KLF11: variants seen among roughly 807,000 people sequenced by gnomAD.
KLF11 encodes the protein Krueppel-like factor 11.
A neutral mutation model predicts 29.9 loss-of-function variants in KLF11; 26 were observed. That is an observed-to-expected ratio of 0.87 (90% CI 0.64 to 1.21). KLF11 has a LOEUF of 1.21. KLF11 is among the 50% of genes most tolerant of loss of function. KLF11 has a pLI of 0.00. For missense variants in KLF11, 778 were observed against 665.7 expected (o/e 1.17, Z -1.86); for synonymous variants, 318 against 257.4 (o/e 1.24, Z -2.25).
intron 3 of KLF11, among the ~76,000 whole-genome samples, chr2:10,051,729 G>A (rs565507879): frequency 5.4e-5 from 8 of 147,836 alleles, no homozygotes; most frequent in East Asian, 2.1e-4. Context: ...GTGTTAGCCA[G>A]GATGGTCTCG....
chr2:10,050,440 T>G (rs978717216), intron 3 of KLF11, among the ~76,000 whole-genome samples: 1 of 143,716 alleles, frequency 7.0e-6, no homozygotes, highest in African/African-American at 2.6e-5. Context: ...GGCCAGGCAC[T>G]GTGGCTCATA....
rs1240701500 is a variant in KLF11 at position 10,048,351 on chromosome 2, T to C, written c.1014T>C (p.Ala338=). 6.8e-6 allele frequency: 11 copies of C among 1,608,766 alleles called. No homozygotes were observed. Among genetic ancestry groups the C allele is most frequent in the Non-Finnish European group, 8.5e-6 (10 of 1,176,388 alleles). ...VFVGPAVPQG[A]VMLVLPQGAL... ...TGGGACCTGCTGTGCCTCAGGGAGC[T>C]GTGATGTTGGTCCTGCCCCAGGGAG... Residue 338 remains alanine (A), a synonymous_variant, in exon 3 of 4, where the codon GCT becomes GCC. Transcript: ENST00000305883.
In KLF11 at chr2:10,046,332, C is replaced by G; in HGVS notation, c.225C>G (p.Val75=). The change falls in exon 2 of 4, where the codon GTC becomes GTG. Residue 75 remains valine, a synonymous_variant. Coordinates refer to ENST00000305883, the MANE Select transcript of KLF11 (RefSeq NM_003597.5). Reference sequence around the variant, plus strand: ...TGCGGATAAGACCCCTCACGCCTGTCTCTGACTCTGGGGATGTCACCACCA... The same window carrying G: ...TGCGGATAAGACCCCTCACGCCTGTGTCTGACTCTGGGGATGTCACCACCA... ...DLLRIRPLTP[V]SDSGDVTTTV... is the part of the protein sequence containing the mutation. 1 of 1,614,210 alleles carries G rather than the reference C, an allele frequency of 6.2e-7. No homozygotes were observed. Among genetic ancestry groups the G allele is most frequent in the Non-Finnish European group, 8.5e-7 (1 of 1,180,042 alleles).
At chr2:10,049,987 C>T (rs754692698) in intron 3 of KLF11, among the ~76,000 whole-genome samples, 4 of 150,626 alleles carry the variant, frequency 2.7e-5, no homozygotes, top group African/African-American at 7.2e-5. Flanking sequence ...CACCAGAGCA[C>T]AGCTTCCAAA....
Position 10,048,512 on chromosome 2 carries a change from G to A in KLF11, c.1175G>A (p.Arg392Lys). ...CVPQVDFSRR[R>K]NYVCSFPGCR... is the part of the protein sequence containing the mutation. Reference sequence around the variant, plus strand: ...CCTCAGGTAGACTTTTCCCGAAGGAGGAACTATGTATGCAGCTTCCCAGGT... The same window carrying A: ...CCTCAGGTAGACTTTTCCCGAAGGAAGAACTATGTATGCAGCTTCCCAGGT... The change falls in exon 3 of 4, where the codon AGG becomes AAG. Residue 392 changes from arginine (R) to lysine (K), a missense_variant. Transcript: ENST00000305883. 1 of 1,613,674 alleles carries A rather than the reference G, an allele frequency of 6.2e-7. No individual in the cohort carries two copies. Among genetic ancestry groups the A allele is most frequent in the Non-Finnish European group, 8.5e-7 (1 of 1,180,026 alleles).
At position 10,048,551 on chromosome 2, in the gene KLF11, A is replaced by C. The variant is rs916485143; in HGVS notation, c.1214A>C (p.Tyr405Ser). Residue 405 changes from tyrosine to serine, a missense_variant, in exon 3 of 4, where the codon TAC becomes TCC. Tyr to Ser is a moderately radical substitution (Grantham distance 144). Coordinates refer to ENST00000305883, the MANE Select transcript of KLF11 (RefSeq NM_003597.5). ...AGCTTCCCAGGTTGCCGGAAGACCTACTTCAAAAGTTCCCACCTTAAGGCC... is the reference window on the plus strand; with the variant it reads ...AGCTTCCCAGGTTGCCGGAAGACCTCCTTCAAAAGTTCCCACCTTAAGGCC... Reference protein sequence around the residue: ...VCSFPGCRKTYFKSSHLKAHL... With the variant: ...VCSFPGCRKTSFKSSHLKAHL... 6.2e-7 allele frequency: 1 copy of C among 1,609,098 alleles called. No individual in the cohort carries two copies. The highest frequency in any genetic ancestry group is 8.5e-7 in the Non-Finnish European group (1 of 1,179,996).
rs1055050235 is a variant in KLF11 at position 10,048,411 on chromosome 2, C to T, written c.1074C>T (p.Val358=). 6.2e-7 allele frequency: 1 copy of T among 1,614,128 alleles called. No homozygotes were observed. The highest frequency in any genetic ancestry group is 2.2e-5 in the East Asian group (1 of 44,890). ...LPPPAPCAAN[V]MAAGNTKLLP... ...CGCCTGCCCCCTGTGCAGCCAATGT[C>T]ATGGCTGCCGGGAATACCAAGTTGT... The change falls in exon 3 of 4, where the codon GTC becomes GTT. Residue 358 remains valine, a synonymous_variant. Coordinates refer to ENST00000305883, the MANE Select transcript of KLF11 (RefSeq NM_003597.5).
chr2:10,048,296 A>G lies in KLF11; in HGVS notation c.959A>G (p.Gln320Arg). The G allele has an allele frequency of 6.2e-7, 1 of 1,600,640 alleles. No homozygotes were observed. Among genetic ancestry groups the G allele is most frequent in the Middle Eastern group, 1.7e-4 (1 of 6,004 alleles). ...GGGACTGTGAGACCCATCCTAGCTC[A>G]GGCTGCTCCAGCGCCTCAACCTGTG... is the stretch of plus-strand genomic sequence containing the variant. ...SVGTVRPILA[Q>R]AAPAPQPVFV... is the part of the protein sequence containing the mutation. The change falls in exon 3 of 4, where the codon CAG becomes CGG. Residue 320 changes from glutamine to arginine, a missense_variant. Gln to Arg is a conservative substitution (Grantham distance 43, BLOSUM62 1). Coordinates refer to ENST00000305883, the MANE Select transcript of KLF11 (RefSeq NM_003597.5).
chr2:10,044,623 T>C (rs1661122759), intron 1 of KLF11, among the ~76,000 whole-genome samples: 2 of 150,548 alleles, frequency 1.3e-5, no homozygotes, highest in South Asian at 4.2e-4. Context: ...GAAACGTGTA[T>C]CTTCGTACAT....
At chr2:10,046,093 T>C (rs984714588) in intron 1 of KLF11, 57 bp from the exon 2 acceptor site, 53 of 1,608,908 alleles carry the variant, frequency 3.3e-5, no homozygotes, top group African/African-American at 4.0e-5. Flanking sequence ...ATGCCCATCA[T>C]GGGTGGCCTC....
chr2:10,052,827 T>C lies in KLF11; in HGVS notation c.*320T>C. 2.6e-6 allele frequency: 1 copy of C among 391,606 alleles called. No homozygotes were observed. The highest frequency in any genetic ancestry group is 4.4e-5 in the East Asian group (1 of 22,732). The allele number at this position is 391,606 out of a possible 1,614,324, so 24.3% of individuals were successfully genotyped here. A position where few individuals can be genotyped will look rare whatever the true frequency, so the allele number is the denominator to read the frequency against. On this transcript the variant is annotated 3_prime_UTR_variant, in exon 4 of 4. Coordinates refer to ENST00000305883, the MANE Select transcript of KLF11 (RefSeq NM_003597.5). ...TTACAAAATCTGGATTTTTACAACC[T>C]TTTCTATTGATGTTTTGTAGAAATA...
chr2:10,045,652 C>T (rs1661171438), intron 1 of KLF11, among the ~76,000 whole-genome samples: 2 of 152,258 alleles, frequency 1.3e-5, no homozygotes, highest in South Asian at 4.1e-4. Flanking sequence ...GCGTGGAGTG[C>T]TGGAAGCCTA....
chr2:10,052,490 A>C lies in KLF11; in HGVS notation c.1522A>C (p.Met508Leu). The C allele has an allele frequency of 6.2e-7, 1 of 1,613,992 alleles. No homozygotes were observed. Among genetic ancestry groups the C allele is most frequent in the Non-Finnish European group, 8.5e-7 (1 of 1,180,004 alleles). The change falls in exon 4 of 4, where the codon ATG (methionine) becomes CTG (leucine). Residue 508 changes from methionine to leucine, a missense_variant. Met to Leu is a conservative substitution (Grantham distance 15). Transcript: ENST00000305883. Reference sequence around the variant, plus strand: ...GAGCCCGGGGAGCCCACTGGTGAGCATGCCAGCCTCTGCCTGAAAGGTCCA... The same window carrying C: ...GAGCCCGGGGAGCCCACTGGTGAGCCTGCCAGCCTCTGCCTGAAAGGTCCA... ...AESPGSPLVS[M>L]PASA
At position 10,053,135 on chromosome 2, in the gene KLF11, A is replaced by G. The variant is rs1196555430; in HGVS notation, c.*628A>G. On this transcript the variant is annotated 3_prime_UTR_variant, in exon 4 of 4. Coordinates refer to ENST00000305883, the MANE Select transcript of KLF11 (RefSeq NM_003597.5). Reference sequence around the variant, plus strand: ...CGTCAGCTTCTTCATAACGTTTTCAAGGAAATTCTAGGCAATCATTCCTGT... The same window carrying G: ...CGTCAGCTTCTTCATAACGTTTTCAGGGAAATTCTAGGCAATCATTCCTGT... The G allele has an allele frequency of 2.5e-6, 1 of 397,376 alleles. No homozygotes were observed. Among genetic ancestry groups the G allele is most frequent in the Non-Finnish European group, 4.4e-6 (1 of 226,134 alleles). The allele number at this position is 397,376 out of a possible 1,614,324, so 24.6% of individuals were successfully genotyped here.
chr2:10,046,323 C>A lies in KLF11; in HGVS notation c.216C>A (p.Leu72=), dbSNP rs1362689360. The change falls in exon 2 of 4, where the codon CTC becomes CTA. Residue 72 remains leucine (L), a synonymous_variant. Coordinates refer to ENST00000305883, the MANE Select transcript of KLF11 (RefSeq NM_003597.5). ...QKGDLLRIRP[L]TPVSDSGDVT... ...GTGACCTGTTGCGGATAAGACCCCTCACGCCTGTCTCTGACTCTGGGGATG... is the reference window on the plus strand; with the variant it reads ...GTGACCTGTTGCGGATAAGACCCCTAACGCCTGTCTCTGACTCTGGGGATG... 6.2e-7 allele frequency: 1 copy of A among 1,614,086 alleles called. No homozygotes were observed. Among genetic ancestry groups the A allele is most frequent in the Non-Finnish European group, 8.5e-7 (1 of 1,180,042 alleles).
At chr2:10,051,187 T>TC (rs1173395277) in intron 3 of KLF11, among the ~76,000 whole-genome samples, 4 of 148,618 alleles carry the variant, frequency 2.7e-5, no homozygotes, top group Non-Finnish European at 6.0e-5. Flanking sequence ...GGATTACAGG[T>TC]GTGAGCCACC....
In KLF11 at chr2:10,047,916, A is replaced by G; in HGVS notation, c.579A>G (p.Pro193=). 6.2e-7 allele frequency: 1 copy of G among 1,613,868 alleles called. No homozygotes were observed. Among genetic ancestry groups the G allele is most frequent in the Non-Finnish European group, 8.5e-7 (1 of 1,180,036 alleles). The change falls in exon 3 of 4, where the codon CCA becomes CCG. Residue 193 remains proline (P), a synonymous_variant. Transcript: ENST00000305883. The part of the protein sequence containing the change: ...PAACFPTIQT[P]DCRLSDSREG... ...CCTGCTTTCCCACCATCCAGACTCC[A>G]GATTGCCGGCTTTCTGACAGCAGAG...
In KLF11 at chr2:10,047,834, C is replaced by T. The variant is rs761077295; in HGVS notation, c.497C>T (p.Ser166Phe). The change falls in exon 3 of 4, where the codon TCT becomes TTT. Residue 166 changes from serine to phenylalanine, a missense_variant. Transcript: ENST00000305883. The stretch of plus-strand genomic sequence containing the variant: ...CTGGGTTTGGAGCCAGTGCCCAGCT[C>T]TCCCTGCAGGGCCAAGGGGACTAGC... ...GLLGLEPVPS[S>F]PCRAKGTSVI... 1.9e-6 allele frequency: 3 copies of T among 1,613,858 alleles called. No individual in the cohort carries two copies. The highest frequency in any genetic ancestry group is 4.5e-5 in the East Asian group (2 of 44,886).
intron 1 of KLF11, chr2:10,044,345 G>A (rs1366805590): frequency 3.0e-6 from 3 of 985,692 alleles, no homozygotes; most frequent in Non-Finnish European, 2.4e-6. Context: ...GGGGCCCTAA[G>A]CGTCGCGACC....
Sources: allele counts gnomAD v4.1 joint callset (sites outside exome capture counted in the v4.1 genomes callset), GRCh38; gene constraint gnomAD v4.1.1; transcripts MANE v1.5; gene names NCBI Gene and HGNC (gene_info 2026-07-23, HGNC 2026-07-21).